Variants in STOX2 observed in about 807,000 individuals in gnomAD.
STOX2 encodes the protein storkhead-box protein 2.
Under a neutral mutation model 60.9 loss-of-function variants are expected in STOX2, and 28 were observed. That is an observed-to-expected ratio of 0.46 (90% CI 0.34 to 0.63). The LOEUF (loss-of-function observed/expected upper bound fraction) is 0.63. Among genes scored for constraint, STOX2 ranks in the 30% least tolerant of loss-of-function variants. The pLI, the probability that STOX2 is intolerant of heterozygous loss-of-function variation, is 0.01. For missense variants in STOX2, 1,024 were observed against 1,187.7 expected (o/e 0.86, Z 2.03); for synonymous variants, 472 against 463.9 (o/e 1.02, Z -0.22).
At chr4:183,919,267 A>T (rs1418513049) in intron 1 of STOX2, among the ~76,000 whole-genome samples, 1 of 152,210 alleles carries the variant, frequency 6.6e-6, no homozygotes. Flanking sequence ...ATAGTAGTGT[A>T]CCATCCTGGC....
rs903667189 is a variant in STOX2 at position 183,798,093 on chromosome 4, C to A, written c.364+38C>A. 4 of 1,224,246 alleles carry A rather than the reference C, an allele frequency of 3.3e-6. No individual in the cohort carries two copies. The South Asian group carries it at 1.7e-4, about 51-fold the overall frequency. 75.8% of individuals were successfully genotyped at this position (1,224,246 alleles called of 1,614,324 possible). On this transcript the variant is annotated intron_variant, in intron 1 of 2. Coordinates refer to the STOX2 transcript ENST00000513034. The stretch of plus-strand genomic sequence containing the variant: ...GCCGCGCGCCCGTCCCGTCCCTTCC[C>A]ACCGGATCGCGTCCGTGCCGTGCGG...
chr4:183,813,937 T>G (rs894282174), intron 1 of STOX2, among the ~76,000 whole-genome samples: 34 of 152,206 alleles, frequency 2.2e-4, no homozygotes, highest in Admixed American at 9.2e-4. Flanking sequence ...GCCATCTAAA[T>G]GTTCATATAG....
upstream of STOX2, among the ~76,000 whole-genome samples, chr4:183,903,298 C>A (rs1341728215): frequency 6.6e-6 from 1 of 152,208 alleles, no homozygotes; most frequent in Non-Finnish European, 1.5e-5. Flanking sequence ...CTTCCTCCAA[C>A]AGAAAGTCAA....
intron 1 of STOX2, among the ~76,000 whole-genome samples, chr4:183,808,630 A>G (rs1283131641): frequency 6.6e-6 from 1 of 152,242 alleles, no homozygotes; most frequent in Non-Finnish European, 1.5e-5. Flanking sequence ...GTAATGTAGA[A>G]AAACAAAAGC....
At chr4:183,967,371 G>GAA (rs60724798) in intron 1 of STOX2, among the ~76,000 whole-genome samples, 2 of 111,272 alleles carry the variant, frequency 1.8e-5, no homozygotes, top group African/African-American at 3.0e-5. Flanking sequence ...CGTCTCAAGA[G>GAA]AAAAAAAAAA....
At position 183,870,770 on chromosome 4, in the gene STOX2, A is replaced by G. The variant is rs967084518; in HGVS notation, c.364+72715A>G. ...AGTTGTTGCACTGATGGGGGAGAAG[A>G]ATTTCAGTAATTACTATATTGAACG... On this transcript the variant is annotated intron_variant, in intron 1 of 2. Transcript: ENST00000513034. Among the ~76,000 whole-genome samples, 26 of 152,214 alleles carry G rather than the reference A, an allele frequency of 1.7e-4. 1 individual carries two copies. Among genetic ancestry groups the G allele is most frequent in the Admixed American group, 7.2e-4 (11 of 15,274 alleles).
chr4:183,922,752 G>C (rs1010446028), intron 1 of STOX2, among the ~76,000 whole-genome samples: 2 of 152,076 alleles, frequency 1.3e-5, no homozygotes, highest in Non-Finnish European at 2.9e-5. Flanking sequence ...TTTTCATCTT[G>C]CAGAACTGAA....
Position 183,821,950 on chromosome 4 carries a change from G to A in STOX2, c.364+23895G>A, listed in dbSNP as rs1012108332. Among the ~76,000 whole-genome samples the A allele has an allele frequency of 2.8e-4, 43 of 152,252 alleles. No individual in the cohort carries two copies. Among genetic ancestry groups the A allele is most frequent in the Admixed American group, 7.2e-4 (11 of 15,284 alleles). On this transcript the variant is annotated intron_variant, in intron 1 of 2. Coordinates refer to the STOX2 transcript ENST00000513034. This position sits in a 1 kb window ranked among gnomAD's most constrained non-coding sequence, Gnocchi z 4.2. Reference sequence around the variant, plus strand: ...CACCCTGCCCTTCCCTAAAAAGGACGCTTGTGTGTGGAAAAGGTGATACAG... The same window carrying A: ...CACCCTGCCCTTCCCTAAAAAGGACACTTGTGTGTGGAAAAGGTGATACAG...
intron 1 of STOX2, among the ~76,000 whole-genome samples, chr4:183,869,323 A>G (rs1161929035): frequency 1.3e-5 from 2 of 152,238 alleles, no homozygotes; most frequent in Admixed American, 1.3e-4. Context: ...AGAGCTGTTC[A>G]GAATCCATGT....
intron 1 of STOX2, among the ~76,000 whole-genome samples, chr4:183,875,123 G>A (rs1740799886): frequency 6.7e-6 from 1 of 150,248 alleles, no homozygotes; most frequent in Non-Finnish European, 1.5e-5. Flanking sequence ...AGACTTAGTG[G>A]CCCTGGGCTG....
upstream of STOX2, among the ~76,000 whole-genome samples, chr4:183,904,175 AG>A (rs960062796): frequency 6.6e-6 from 1 of 152,212 alleles, no homozygotes; most frequent in African/African-American, 2.4e-5. Context: ...TGAACTCAGG[AG>A]GTAATGCCAG....
intron 1 of STOX2, among the ~76,000 whole-genome samples, chr4:183,827,736 G>C (rs899862282): frequency 6.6e-6 from 1 of 151,832 alleles, no homozygotes; most frequent in African/African-American, 2.4e-5. Context: ...AAAAAGATGG[G>C]CCAGGAGTGG....
rs549374558 is a variant in STOX2 at position 184,010,534 on chromosome 4, C to T, written c.1696C>T (p.Pro566Ser). 1 of 1,613,892 alleles carries T rather than the reference C, an allele frequency of 6.2e-7. No homozygotes were observed. Residue 566 changes from proline (P) to serine (S), a missense_variant, in exon 3 of 4, where the codon CCG becomes TCG. Around this residue, in one of 3 missense-constraint regions of STOX2, gnomAD observed 922 missense variants for 1,058.3 expected, o/e 0.87. Coordinates refer to ENST00000308497, the MANE Select transcript of STOX2 (RefSeq NM_020225.3). This position sits in a 1 kb window ranked among gnomAD's most constrained non-coding sequence, Gnocchi z 4.5. ...AGAGATAGTCAGTGGCAGCAAGGAA[C>T]CGTCCAGCGCTTGCAGCCTTTTGGA... is the stretch of plus-strand genomic sequence containing the variant. ...IPEIVSGSKEPSSACSLLEPG... is the reference protein window; with the variant it reads ...IPEIVSGSKESSSACSLLEPG...
At chr4:183,919,918 A>G (rs2111099892) in intron 1 of STOX2, among the ~76,000 whole-genome samples, 1 of 151,938 alleles carries the variant, frequency 6.6e-6, no homozygotes, top group African/African-American at 2.4e-5. Context: ...ACCGTTGTTT[A>G]TTGAGCATGT....
intron 1 of STOX2, among the ~76,000 whole-genome samples, chr4:183,869,607 C>T (rs1475881001): frequency 6.6e-6 from 1 of 152,116 alleles, no homozygotes; most frequent in Non-Finnish European, 1.5e-5. Flanking sequence ...TTAGAATAGT[C>T]ATTTATCACA....
chr4:183,958,128 A>G (rs10009132), intron 1 of STOX2, among the ~76,000 whole-genome samples: 48,673 of 135,536 alleles, frequency 0.36, 8,740 homozygotes, highest in African/African-American at 0.47. Context: ...ATGGTAGAAT[A>G]GTATTTAGAA....
intron 1 of STOX2, among the ~76,000 whole-genome samples, chr4:183,941,642 T>C (rs1334534972): frequency 6.6e-6 from 1 of 152,068 alleles, no homozygotes; most frequent in African/African-American, 2.4e-5. Context: ...ATACTGGGGG[T>C]ATGGCGATAG....
chr4:183,879,384 A>G (rs916305026), intron 1 of STOX2, among the ~76,000 whole-genome samples: 1 of 152,218 alleles, frequency 6.6e-6, no homozygotes, highest in Admixed American at 6.5e-5. Context: ...CGGTGGCTCT[A>G]TGCTGGCCTC....
At chr4:183,831,743 A>G (rs1313051237) in intron 1 of STOX2, among the ~76,000 whole-genome samples, 1 of 152,188 alleles carries the variant, frequency 6.6e-6, no homozygotes, top group East Asian at 1.9e-4. Flanking sequence ...CCCCACGGAT[A>G]TAGACAAAAA....
Sources: allele counts gnomAD v4.1 joint callset (sites outside exome capture counted in the v4.1 genomes callset), GRCh38; gene constraint gnomAD v4.1.1; regional missense constraint gnomAD v4.1.1; non-coding constraint Gnocchi (gnomAD v3.1); transcripts MANE v1.5; gene names NCBI Gene and HGNC (gene_info 2026-07-23, HGNC 2026-07-21).